The following NRXN3 variants were observed in gnomAD, a reference collection of about 807,000 sequenced individuals.
NRXN3 encodes the protein neurexin 3, also known as neurexin III.
A neutral mutation model predicts 137.6 loss-of-function variants in NRXN3; 32 were observed. The observed-to-expected ratio is 0.23, with a 90% CI of 0.18 to 0.31. The LOEUF is 0.31. NRXN3 is among the 10% of genes least tolerant of loss of function. The probability of loss-of-function intolerance (pLI) is 1.00; values close to 1 mark genes in which losing one functional copy is unlikely to be tolerated. For missense variants in NRXN3, 1,574 were observed against 2,062.5 expected, an observed-to-expected ratio of 0.76 and a Z score of 4.59; for synonymous variants, 798 against 784.5, an observed-to-expected ratio of 1.02 and a Z score of -0.29.
intron 15 of NRXN3, among the ~76,000 whole-genome samples, chr14:79,066,355 T>A (rs1366822532): frequency 6.6e-6 from 1 of 152,168 alleles, no homozygotes; most frequent in Non-Finnish European, 1.5e-5. Flanking sequence ...TATTTGTCTG[T>A]TCTTATACCA....
chr14:79,240,775 G>C (rs1245117248), intron 15 of NRXN3, among the ~76,000 whole-genome samples: 1 of 151,946 alleles, frequency 6.6e-6, no homozygotes, highest in South Asian at 2.1e-4. Context: ...GTGTAATATG[G>C]ACAGGTGTTG....
chr14:79,132,419 G>T (rs2152967685), intron 15 of NRXN3, among the ~76,000 whole-genome samples: 1 of 152,284 alleles, frequency 6.6e-6, no homozygotes, highest in Non-Finnish European at 1.5e-5. Context: ...TGGGAAATAG[G>T]ATGTAAAATA....
rs553268038 is a variant in NRXN3, at chr14:78,933,547, T to G, written c.2276-23695T>G. The stretch of plus-strand genomic sequence containing the variant: ...AAGTTGCTCTTTTAATTCAAATTTG[T>G]TTTTTAATTGACTTATAAACTTGTA... On this transcript the variant is annotated intron_variant, in intron 10 of 20. Transcript: ENST00000335750. 4.6e-5 allele frequency among the ~76,000 whole-genome samples: 7 copies of G among 152,306 alleles called. No individual in the cohort carries two copies. In the South Asian group the frequency reaches 1.5e-3, roughly 32 times the overall value.
At position 79,794,295 on chromosome 14, in the gene NRXN3, C is replaced by T. The variant is rs139363572; in HGVS notation, c.4015-10817C>T. On this transcript the variant is annotated intron_variant, in intron 19 of 20. Transcript: ENST00000335750. The stretch of plus-strand genomic sequence containing the variant: ...AGAAGAATTGCTTGAACCTGGGAGG[C>T]GGAGGTTGCAGTGAGCCAAGATGGT... Among the ~76,000 whole-genome samples the T allele has an allele frequency of 1.1e-4, 17 of 152,066 alleles. No individual in the cohort carries two copies. The East Asian group carries it at 2.9e-3, about 26-fold the overall frequency.
At chr14:78,706,378 G>C (rs188404056) in intron 6 of NRXN3, among the ~76,000 whole-genome samples, 3 of 152,306 alleles carry the variant, frequency 2.0e-5, no homozygotes, top group Admixed American at 6.5e-5. Flanking sequence ...CTTTGCACAT[G>C]GTCAGCCCAG....
At chr14:78,578,871 A>G (rs1225836198) in intron 4 of NRXN3, among the ~76,000 whole-genome samples, 1 of 152,110 alleles carries the variant, frequency 6.6e-6, no homozygotes, top group Non-Finnish European at 1.5e-5. Flanking sequence ...AGCCCCTGAG[A>G]ATGAGCATCT....
At chr14:78,416,646 G>A (rs751774667) in intron 4 of NRXN3, among the ~76,000 whole-genome samples, 8 of 152,148 alleles carry the variant, frequency 5.3e-5, no homozygotes, top group Non-Finnish European at 7.3e-5. Context: ...GCAGAATTGC[G>A]TCTTATAGTA....
intron 15 of NRXN3, among the ~76,000 whole-genome samples, chr14:79,273,551 A>G (rs1021782601): frequency 6.6e-6 from 1 of 151,574 alleles, no homozygotes; most frequent in East Asian, 2.0e-4. Flanking sequence ...GGAGAATGGC[A>G]TGAACCCAGG....
intron 20 of NRXN3, 66 bp downstream of exon 20, chr14:79,805,256 T>TA: frequency 9.1e-7 from 1 of 1,097,418 alleles, no homozygotes; most frequent in Non-Finnish European, 1.4e-6. Flanking sequence ...TACATACATA[T>TA]ATGTGATTAT....
intron 16 of NRXN3, among the ~76,000 whole-genome samples, chr14:79,600,986 GTT>G (rs2097915374): frequency 3.4e-5 from 5 of 147,478 alleles, no homozygotes; most frequent in African/African-American, 1.3e-4. Flanking sequence ...TTCTATCTGT[GTT>G]CTTAACAATC....
chr14:79,470,973 T>A (rs1299158279), intron 16 of NRXN3, among the ~76,000 whole-genome samples: 10 of 150,100 alleles, frequency 6.7e-5, no homozygotes, highest in African/African-American at 2.5e-4. Flanking sequence ...TGTGTGTGTG[T>A]GTGTGTGTGT....
intron 16 of NRXN3, among the ~76,000 whole-genome samples, chr14:79,497,325 T>G (rs2096776841): frequency 6.6e-6 from 1 of 152,142 alleles, no homozygotes; most frequent in Non-Finnish European, 1.5e-5. Flanking sequence ...TCCAGACAGG[T>G]TGATCTTGTT....
intron 19 of NRXN3, chr14:79,791,126 G>A (rs2099143870): frequency 6.6e-6 from 1 of 152,126 alleles, no homozygotes; most frequent in Admixed American, 6.5e-5. Context: ...CCAAGCTGTG[G>A]TGGGCATTGT....
chr14:79,756,508 A>G (rs1326095448), intron 19 of NRXN3, among the ~76,000 whole-genome samples: 1 of 152,180 alleles, frequency 6.6e-6, no homozygotes, highest in African/African-American at 2.4e-5. Flanking sequence ...TTAAATATAT[A>G]TTTGAAAAAT....
At chr14:79,328,559 T>G (rs1477203250) in intron 15 of NRXN3, among the ~76,000 whole-genome samples, 1 of 152,204 alleles carries the variant, frequency 6.6e-6, no homozygotes, top group East Asian at 1.9e-4. Flanking sequence ...TCTTTTTCCT[T>G]TTTCCATGGT....
intron 19 of NRXN3, among the ~76,000 whole-genome samples, chr14:79,794,994 A>G (rs1313362389): frequency 2.6e-5 from 4 of 152,232 alleles, no homozygotes; most frequent in Non-Finnish European, 5.9e-5. Flanking sequence ...TGGTAAGAGC[A>G]GAGCATACAA....
chr14:79,216,682 T>C (rs574858864), intron 15 of NRXN3, among the ~76,000 whole-genome samples: 1 of 152,320 alleles, frequency 6.6e-6, no homozygotes, highest in African/African-American at 2.4e-5. Context: ...TTCACCTTTC[T>C]AAAGAACGCT....
intron 19 of NRXN3, among the ~76,000 whole-genome samples, chr14:79,791,630 C>A (rs893199652): frequency 6.6e-6 from 1 of 151,258 alleles, no homozygotes. Context: ...CTTCCCAGTT[C>A]TTTTCTTGGC....
chr14:78,318,591 A>G (rs939117118), intron 4 of NRXN3, among the ~76,000 whole-genome samples: 2 of 152,088 alleles, frequency 1.3e-5, no homozygotes, highest in Non-Finnish European at 1.5e-5. Flanking sequence ...CCAACCACAC[A>G]TTTCATCTAG....
Sources: gnomAD v4.1 joint callset for allele counts (sites outside exome capture counted in the v4.1 genomes callset) on GRCh38, gnomAD v4.1.1 for gene constraint, MANE v1.5 for transcripts, NCBI Gene and HGNC (gene_info 2026-07-23, HGNC 2026-07-21) for gene names.